Variants in FHOD1 observed in about 807,000 individuals in gnomAD.
The protein encoded by FHOD1 is formin homology 2 domain containing 1, also known as FH1/FH2 domain-containing protein 1.
Under a neutral mutation model 111.6 loss-of-function variants are expected in FHOD1, and 89 were observed. The observed-to-expected ratio is 0.80, with a 90% CI of 0.67 to 0.95. FHOD1 has a LOEUF of 0.95. Ranked by LOEUF, FHOD1 falls within the 40% of genes least tolerant of loss-of-function variation. FHOD1 has a pLI of 0.00. For synonymous variants in FHOD1, 618 were observed against 639.0 expected (o/e 0.97, Z 0.50); for missense variants, 1,446 against 1,554.2 (o/e 0.93, Z 1.17).
In FHOD1 at chr16:67,233,846, G is replaced by A; in HGVS notation, c.1857C>T (p.Ala619=). The A allele has an allele frequency of 6.2e-7, 1 of 1,611,552 alleles. No homozygotes were observed. Among genetic ancestry groups the A allele is most frequent in the Non-Finnish European group, 8.5e-7 (1 of 1,178,984 alleles). The part of the protein sequence containing the change: ...PLPHSVPDSS[A]LPTKRKTVKL... Reference sequence around the variant, plus strand: ...TTACTGTCTTCCTCTTAGTGGGGAGGGCTGAGCTGTCAGGCACTGAATGGG... The same window carrying A: ...TTACTGTCTTCCTCTTAGTGGGGAGAGCTGAGCTGTCAGGCACTGAATGGG... The change falls in exon 13 of 22, where the codon GCC becomes GCT. Residue 619 remains alanine (A), a synonymous_variant. Transcript: ENST00000258201.
intron 11 of FHOD1, 117 bp downstream of exon 11, chr16:67,236,440 A>AAG (rs146871611): frequency 5.3e-6 from 8 of 1,505,684 alleles, no homozygotes; most frequent in East Asian, 2.5e-5. Flanking sequence ...GAAGTCTGGA[A>AAG]AGAGAGAGAG....
At position 67,231,312 on chromosome 16, in the gene FHOD1, G is replaced by T; in HGVS notation, c.2543C>A (p.Ser848Ter). 6.2e-7 allele frequency: 1 copy of T among 1,614,148 alleles called. No homozygotes were observed. The highest frequency in any genetic ancestry group is 8.5e-7 in the Non-Finnish European group (1 of 1,180,022). ...GFELSYLEKV[S>*]EVKDTVRRQS... Reference sequence around the variant, plus strand: ...TCGACGCACCGTGTCCTTCACCTCTGACACCTTCTCCAGGTAGCTCAGCTC... The same window carrying T: ...TCGACGCACCGTGTCCTTCACCTCTTACACCTTCTCCAGGTAGCTCAGCTC... Residue 848 changes from serine to a stop codon, truncating the protein, a stop_gained, in exon 17 of 22, where the codon TCA (serine) becomes TAA (stop). Coordinates refer to ENST00000258201, the MANE Select transcript of FHOD1 (RefSeq NM_013241.3). LOFTEE classifies it high-confidence loss of function. The surrounding 1 kb of genome is among the most constrained non-coding windows in gnomAD (Gnocchi z 4.3).
chr16:67,230,210 C>T lies in FHOD1; in HGVS notation c.3070G>A (p.Val1024Met). The change falls in exon 20 of 22, where the codon GTG (valine) becomes ATG (methionine). Residue 1024 changes from valine (V) to methionine (M), a missense_variant. Val to Met is a conservative substitution (Grantham distance 21). Transcript: ENST00000258201. ...GGGTTGCTGGGGGCTTCCCCAGCCA[C>T]ACCTGAGAACTTCTCTGTCTGGAGA... ...MITETEKFSGVAGEAPSNPSV... is the reference protein window; with the variant it reads ...MITETEKFSGMAGEAPSNPSV... 1 of 1,614,012 alleles carries T rather than the reference C, an allele frequency of 6.2e-7. No individual in the cohort carries two copies. The highest frequency in any genetic ancestry group is 2.2e-5 in the East Asian group (1 of 44,876).
chr16:67,236,156 T>C (rs982106481), intron 11 of FHOD1: 13 of 572,774 alleles, frequency 2.3e-5, no homozygotes, highest in Middle Eastern at 8.5e-4. Context: ...GGCAGTGATA[T>C]TGGGGTTCCT....
Position 67,230,851 on chromosome 16 carries a change from C to T in FHOD1, c.2668-60G>A, listed in dbSNP as rs892706225. On this transcript the variant is annotated intron_variant, in intron 17 of 21. Coordinates refer to ENST00000258201, the MANE Select transcript of FHOD1 (RefSeq NM_013241.3). ...CACACCCTGTAGACAAGACATGGCC[C>T]GAGGCTGCTTCTGGGCCAGAGTGGC... is the stretch of plus-strand genomic sequence containing the variant. The T allele has an allele frequency of 2.9e-5, 44 of 1,509,384 alleles. No homozygotes were observed. The South Asian group carries it at 3.5e-4, about 12-fold the overall frequency. The allele number at this position is 1,509,384 out of a possible 1,614,324, so 93.5% of individuals were successfully genotyped here.
rs890209688 is a variant in FHOD1, at chr16:67,238,852, T to G, written c.373+51A>C. The G allele has an allele frequency of 2.5e-6, 4 of 1,584,642 alleles. No individual in the cohort carries two copies. The highest frequency in any genetic ancestry group is 2.6e-6 in the Non-Finnish European group (3 of 1,153,098). The stretch of plus-strand genomic sequence containing the variant: ...AGCACAGGCCTGAAGGTGAGCCAAC[T>G]GGGCTATGGGGAGGAGGTGCTGCTG... On this transcript the variant is annotated intron_variant, in intron 3 of 21. Transcript: ENST00000258201. The surrounding 1 kb of genome is among the most constrained non-coding windows in gnomAD (Gnocchi z 4.2).
intron 11 of FHOD1, chr16:67,234,774 T>C: frequency 2.9e-6 from 1 of 346,998 alleles, no homozygotes; most frequent in South Asian, 4.5e-5. Context: ...TTTGGTTGGT[T>C]TTTTTTTTAG....
Position 67,231,918 on chromosome 16 carries a change from G to A in FHOD1, c.2203-99C>T, listed in dbSNP as rs933180964. 2 of 1,532,098 alleles carry A rather than the reference G, an allele frequency of 1.3e-6. No homozygotes were observed. The highest frequency in any genetic ancestry group is 2.3e-5 in the East Asian group (1 of 43,414). 94.9% of individuals were successfully genotyped at this position (1,532,098 alleles called of 1,614,324 possible). ...TCAGTCATCTAGGGGAGGCCCCAGT[G>A]TCTGGGGACTGCCCTGCAGAAATGC... On this transcript the variant is annotated intron_variant, in intron 14 of 21. Transcript: ENST00000258201. This position sits in a 1 kb window ranked among gnomAD's most constrained non-coding sequence, Gnocchi z 4.3.
chr16:67,242,103 A>G (rs3852701), intron 1 of FHOD1, among the ~76,000 whole-genome samples: 20,079 of 151,990 alleles, frequency 0.13, 3,016 homozygotes, highest in African/African-American at 0.37. Flanking sequence ...TGAGTAGCTA[A>G]GGTTACAGGC....
chr16:67,245,282 T>C lies in FHOD1; in HGVS notation c.201+1928A>G, dbSNP rs114504144. On this transcript the variant is annotated intron_variant, in intron 1 of 21. Coordinates refer to ENST00000258201, the MANE Select transcript of FHOD1 (RefSeq NM_013241.3). ...GACTGCATTGGGGATGAGGAACTTA[T>C]ATTCTTCACCGGAGCTCAGTAGTGT... Among the ~76,000 whole-genome samples the C allele has an allele frequency of 6.4e-3, 969 of 152,252 alleles. 8 individuals carry two copies. The highest frequency in any genetic ancestry group is 0.022 in the African/African-American group (906 of 41,536).
chr16:67,237,281 C>G lies in FHOD1; in HGVS notation c.951G>C (p.Ala317=), dbSNP rs377704548. ...GCGTGCGCAGGTCGACGTCAGTGCC[C>G]GCAGTGCCCAGGTGGCGCTGGACCA... ...EALVQRHLGT[A]GTDVDLRTQL... The change falls in exon 9 of 22, where the codon GCG becomes GCC. Residue 317 remains alanine, a synonymous_variant. Transcript: ENST00000258201. The surrounding 1 kb of genome is among the most constrained non-coding windows in gnomAD (Gnocchi z 5.6). The G allele has an allele frequency of 4.6e-5, 74 of 1,613,864 alleles. No individual in the cohort carries two copies. Among genetic ancestry groups the G allele is most frequent in the Non-Finnish European group, 6.2e-5 (73 of 1,180,034 alleles).
intron 1 of FHOD1, among the ~76,000 whole-genome samples, chr16:67,240,730 G>A (rs2034641468): frequency 6.6e-6 from 1 of 152,206 alleles, no homozygotes; most frequent in African/African-American, 2.4e-5. Context: ...TGACTCCTGT[G>A]AGTCGGAGGG....
chr16:67,246,154 C>G (rs2034818790), intron 1 of FHOD1, among the ~76,000 whole-genome samples: 1 of 152,212 alleles, frequency 6.6e-6, no homozygotes, highest in Admixed American at 6.5e-5. Context: ...GGCCGCAGCG[C>G]GAGGAATGCG....
chr16:67,236,444 G>A (rs1272383859), intron 11 of FHOD1, 113 bp downstream of exon 11: 4 of 1,515,014 alleles, frequency 2.6e-6, no homozygotes, highest in African/African-American at 1.4e-5. Context: ...TCTGGAAAGA[G>A]AGAGAGAGAA....
chr16:67,234,025 C>A lies in FHOD1; in HGVS notation c.1678G>T (p.Val560Leu). Reference protein sequence around the residue: ...GEDEDQDMLNVESVEAGKDIP... With the variant: ...GEDEDQDMLNLESVEAGKDIP... ...TCTTTCCCAGCCTCCACAGACTCTA[C>A]ATTCAGCATGTCCTGGTCTTCATCC... is the stretch of plus-strand genomic sequence containing the variant. The change falls in exon 13 of 22, where the codon GTA becomes TTA. Residue 560 changes from valine to leucine, a missense_variant. Coordinates refer to ENST00000258201, the MANE Select transcript of FHOD1 (RefSeq NM_013241.3). 1 of 1,613,804 alleles carries A rather than the reference C, an allele frequency of 6.2e-7. No individual in the cohort carries two copies. The highest frequency in any genetic ancestry group is 8.5e-7 in the Non-Finnish European group (1 of 1,180,008).
rs1463851556 is a variant in FHOD1 at position 67,237,003 on chromosome 16, C to T, written c.1105G>A (p.Glu369Lys). ...GCACGCGCGGGGCAGCCCCCGCCTT[C>T]CAGAGAACGGCGGCTCCTCTTGCCC... Reference protein sequence around the residue: ...EEGKRSRRSLEGGGCPARAPE... With the variant: ...EEGKRSRRSLKGGGCPARAPE... The change falls in exon 10 of 22, where the codon GAA becomes AAA. Residue 369 changes from glutamate to lysine, a missense_variant. Physicochemically the swap from Glu to Lys is moderately conservative, Grantham distance 56. Around this residue, in one of 3 missense-constraint regions of FHOD1, gnomAD observed 1,085 missense variants for 1,108.8 expected, o/e 0.98. Transcript: ENST00000258201. This position sits in a 1 kb window ranked among gnomAD's most constrained non-coding sequence, Gnocchi z 5.6. The T allele has an allele frequency of 6.2e-7, 1 of 1,609,008 alleles. No individual in the cohort carries two copies. Among genetic ancestry groups the T allele is most frequent in the Middle Eastern group, 1.7e-4 (1 of 6,020 alleles).
In FHOD1 at chr16:67,234,011, C is replaced by T. The variant is rs758706976; in HGVS notation, c.1692G>A (p.Glu564=). The T allele has an allele frequency of 3.1e-6, 5 of 1,613,364 alleles. No individual in the cohort carries two copies. In the East Asian group the frequency reaches 8.9e-5, roughly 29 times the overall value. Residue 564 remains glutamate (E), a synonymous_variant, in exon 13 of 22, where the codon GAG becomes GAA. Coordinates refer to ENST00000258201, the MANE Select transcript of FHOD1 (RefSeq NM_013241.3). ...AGGGAGCTGGGATGTCTTTCCCAGC[C>T]TCCACAGACTCTACATTCAGCATGT... ...DQDMLNVESV[E]AGKDIPAPSP... is the part of the protein sequence containing the mutation.
Position 67,247,198 on chromosome 16 carries a change from G to C in FHOD1, c.201+12C>G, listed in dbSNP as rs1020501393. The C allele has an allele frequency of 2.0e-6, 3 of 1,536,332 alleles. No homozygotes were observed. The highest frequency in any genetic ancestry group is 2.6e-6 in the Non-Finnish European group (3 of 1,146,420). On this transcript the variant is annotated intron_variant, in intron 1 of 21. Transcript: ENST00000258201. ...CCCCCGATCGCCCCAACCTTTCTCC[G>C]GCCTCCCTCACCTTGAGCGGCGCTC... is the stretch of plus-strand genomic sequence containing the variant.
chr16:67,237,633 G>T lies in FHOD1; in HGVS notation c.754+24C>A, dbSNP rs772544028. The stretch of plus-strand genomic sequence containing the variant: ...TAGGAGAGAGGGCTCTGAGCGGTGG[G>T]GGGAGAAAGGGACAGTCTCTGACCG... On this transcript the variant is annotated intron_variant, in intron 7 of 21. Transcript: ENST00000258201. The surrounding 1 kb of genome is among the most constrained non-coding windows in gnomAD (Gnocchi z 5.6). The T allele has an allele frequency of 1.3e-4, 215 of 1,612,870 alleles. No homozygotes were observed. Among genetic ancestry groups the T allele is most frequent in the Non-Finnish European group, 1.5e-4 (181 of 1,178,948 alleles).
Sources: allele counts gnomAD v4.1 joint callset (sites outside exome capture counted in the v4.1 genomes callset), GRCh38; gene constraint gnomAD v4.1.1; regional missense constraint gnomAD v4.1.1; non-coding constraint Gnocchi (gnomAD v3.1); transcripts MANE v1.5; gene names NCBI Gene and HGNC (gene_info 2026-07-23, HGNC 2026-07-21).